The following BPTF variants were observed in gnomAD, a reference collection of about 807,000 sequenced individuals.
BPTF encodes the protein bromodomain PHD finger transcription factor.
In BPTF, 18 loss-of-function variants were observed where a neutral mutation model predicts 292.5. The ratio of observed to expected loss-of-function variants is 0.06; its 90% CI spans 0.04 to 0.09. The LOEUF (loss-of-function observed/expected upper bound fraction) is 0.09. Ranked by LOEUF, BPTF falls within the 10% of genes least tolerant of loss-of-function variation. BPTF has a pLI of 1.00. For synonymous variants in BPTF, 1,225 were observed against 1,251.9 expected (o/e 0.98, Z 0.45); for missense variants, 2,726 against 3,498.7 (o/e 0.78, Z 5.57).
intron 4 of BPTF, among the ~76,000 whole-genome samples, chr17:67,883,481 A>G (rs1367787312): frequency 6.6e-6 from 1 of 152,182 alleles, no homozygotes. Flanking sequence ...GTAACGGGAG[A>G]TATTCAGAGA....
chr17:67,945,772 C>G lies in BPTF; in HGVS notation c.7064C>G (p.Thr2355Ser), dbSNP rs2065764350. ...TCACAGACTCGAATACGTCCATCAA[C>G]TCCATCCCAACTGTCTCCTGGACAA... ...SPSQTRIRPS[T>S]PSQLSPGQQS... Residue 2355 changes from threonine (T) to serine (S), a missense_variant, in exon 21 of 28, where the codon ACT becomes AGT. Coordinates refer to ENST00000306378, the MANE Select transcript of BPTF (RefSeq NM_182641.4). The G allele has an allele frequency of 2.2e-5, 35 of 1,614,176 alleles. No homozygotes were observed. The highest frequency in any genetic ancestry group is 3.0e-5 in the Non-Finnish European group (35 of 1,180,030).
intron 18 of BPTF, among the ~76,000 whole-genome samples, chr17:67,938,699 A>G (rs2147774924): frequency 6.6e-6 from 1 of 152,346 alleles, no homozygotes; most frequent in South Asian, 2.1e-4. Context: ...CTGATGAGAG[A>G]ATACAAGAGA....
At chr17:67,841,446 A>G (rs182654893) in intron 1 of BPTF, among the ~76,000 whole-genome samples, 2 of 152,296 alleles carry the variant, frequency 1.3e-5, no homozygotes, top group East Asian at 3.9e-4. Flanking sequence ...ACTATTTAAT[A>G]CTAATATAAA....
chr17:67,841,328 G>C (rs1280094168), intron 1 of BPTF, among the ~76,000 whole-genome samples: 1 of 152,166 alleles, frequency 6.6e-6, no homozygotes, highest in Admixed American at 6.6e-5. Context: ...AGAATGGCTT[G>C]AACCCAGGAG....
intron 1 of BPTF, among the ~76,000 whole-genome samples, chr17:67,846,643 T>G (rs1218666389): frequency 6.6e-6 from 1 of 152,240 alleles, no homozygotes; most frequent in Middle Eastern, 3.4e-3. Context: ...AGTCAGGTGG[T>G]TTTTAACAAT....
At chr17:67,866,433 A>C in intron 2 of BPTF, 31 bp from the exon 3 acceptor site, 1 of 1,502,188 alleles carries the variant, frequency 6.7e-7, no homozygotes, top group Non-Finnish European at 9.3e-7. Flanking sequence ...TATGTCTAAC[A>C]TATAAAGTAT....
intron 11 of BPTF, among the ~76,000 whole-genome samples, chr17:67,916,745 G>A (rs1357001725): frequency 1.5e-5 from 2 of 134,532 alleles, no homozygotes; most frequent in African/African-American, 3.0e-5. Context: ...CAGCCTGGGT[G>A]ACAGAGCAAT....
chr17:67,828,902 A>G (rs567323050), intron 1 of BPTF, among the ~76,000 whole-genome samples: 2 of 152,324 alleles, frequency 1.3e-5, no homozygotes, highest in South Asian at 2.1e-4. Flanking sequence ...CTCCTTAGAG[A>G]TAAGTATTGA....
At chr17:67,937,343 G>C (rs1432775767) in intron 18 of BPTF, among the ~76,000 whole-genome samples, 1 of 150,940 alleles carries the variant, frequency 6.6e-6, no homozygotes. Flanking sequence ...TGTAATCCCA[G>C]CTACTCGGGA....
Position 67,826,168 on chromosome 17 carries a change from G to A in BPTF, c.444G>A (p.Glu148=). The A allele has an allele frequency of 6.4e-7, 1 of 1,565,024 alleles. No individual in the cohort carries two copies. Among genetic ancestry groups the A allele is most frequent in the Non-Finnish European group, 8.8e-7 (1 of 1,135,520 alleles). The change falls in exon 1 of 28, where the codon GAG becomes GAA. Residue 148 remains glutamate, a synonymous_variant. Transcript: ENST00000306378. ...TGGTCTCCGAGGAGGAGGAGGAGGA[G>A]GACGGCGACGCCGAGGAGACCCAGG... is the stretch of plus-strand genomic sequence containing the variant. ...EDMVSEEEEE[E]DGDAEETQDS...
At chr17:67,910,153 C>G (rs1483962451) in intron 10 of BPTF, among the ~76,000 whole-genome samples, 1 of 152,186 alleles carries the variant, frequency 6.6e-6, no homozygotes, top group African/African-American at 2.4e-5. Flanking sequence ...GCTTCATCCA[C>G]TTAGCATGGT....
At position 67,876,570 on chromosome 17, in the gene BPTF, C is replaced by A. The variant is rs151238945; in HGVS notation, c.1864+1550C>A. On this transcript the variant is annotated intron_variant, in intron 4 of 27. Coordinates refer to ENST00000306378, the MANE Select transcript of BPTF (RefSeq NM_182641.4). ...CCTGTAATCCCAGCACTTTGGGAGG[C>A]CTAGGCGGGCAGATCACCTGAGGTC... 4.4e-3 allele frequency among the ~76,000 whole-genome samples: 673 copies of A among 152,254 alleles called. 5 individuals carry two copies. The highest frequency in any genetic ancestry group is 0.015 in the African/African-American group (630 of 41,552).
intron 15 of BPTF, among the ~76,000 whole-genome samples, chr17:67,925,992 CTTTTTTTTTTTTTTTTT>C (rs60083535): frequency 1.8e-5 from 1 of 56,622 alleles, no homozygotes; most frequent in Non-Finnish European, 3.2e-5. Context: ...TAACATATTA[CTTTTTTTTTTTTTTTTT>C]TTTTTTTTTT....
Position 67,946,054 on chromosome 17 carries a change from A to C in BPTF, c.7346A>C (p.Gln2449Pro). The C allele has an allele frequency of 1.2e-6, 2 of 1,614,230 alleles. No homozygotes were observed. The highest frequency in any genetic ancestry group is 1.7e-6 in the Non-Finnish European group (2 of 1,180,036). The change falls in exon 21 of 28, where the codon CAG becomes CCG. Residue 2449 changes from glutamine (Q) to proline (P), a missense_variant. Transcript: ENST00000306378. ...QQQVQVLSQIQSQVVAQIQAQ... is the reference protein window; with the variant it reads ...QQQVQVLSQIPSQVVAQIQAQ... ...CAAGTCCAGGTTCTCTCTCAGATCC[A>C]GTCACAGGTTGTGGCTCAGATACAG...
chr17:67,826,279 C>T lies in BPTF; in HGVS notation c.555C>T (p.Asp185=), dbSNP rs2056019558. ...YPEEMEDDDD[D]ASYCTESSFR... is the part of the protein sequence containing the mutation. ...AGGAGATGGAAGACGACGACGACGA[C>T]GCCAGTTACTGCACGGAAAGCAGCT... Residue 185 remains aspartate, a synonymous_variant, in exon 1 of 28, where the codon GAC becomes GAT. Transcript: ENST00000306378. The T allele has an allele frequency of 1.2e-6, 2 of 1,613,336 alleles. No individual in the cohort carries two copies. The highest frequency in any genetic ancestry group is 1.7e-5 in the Admixed American group (1 of 60,000).
At chr17:67,931,084 G>A (rs568770449) in intron 17 of BPTF, among the ~76,000 whole-genome samples, 3 of 152,268 alleles carry the variant, frequency 2.0e-5, no homozygotes, top group Non-Finnish European at 4.4e-5. Context: ...GGTCAATATG[G>A]TGAAACCCTG....
At chr17:67,894,916 A>G (rs759074003) in intron 7 of BPTF, among the ~76,000 whole-genome samples, 13 of 152,206 alleles carry the variant, frequency 8.5e-5, no homozygotes, top group Admixed American at 2.6e-4. Flanking sequence ...ACTTGAATCT[A>G]CTTTTTAGCC....
chr17:67,919,345 G>A (rs911460498), intron 12 of BPTF, among the ~76,000 whole-genome samples: 3 of 151,904 alleles, frequency 2.0e-5, no homozygotes, highest in Non-Finnish European at 2.9e-5. Context: ...TGACCAGCCT[G>A]GACAACATAA....
rs1484364946 is a variant in BPTF, at chr17:67,931,938, G to C, written c.6178G>C (p.Gly2060Arg). The change falls in exon 18 of 28, where the codon GGT becomes CGT. Residue 2060 changes from glycine to arginine, a missense_variant. Around this residue, in one of 22 missense-constraint regions of BPTF, gnomAD observed 570 missense variants for 633.5 expected, o/e 0.90. Coordinates refer to ENST00000306378, the MANE Select transcript of BPTF (RefSeq NM_182641.4). The part of the protein sequence containing the change: ...QVITGPQIRP[G>R]MTVIRTPLQQ... ...AATCACAGGGCCTCAGATTCGCCCT[G>C]GTATGACCGTGATTAGAACACCACT... 3 of 1,613,670 alleles carry C rather than the reference G, an allele frequency of 1.9e-6. No homozygotes were observed. Among genetic ancestry groups the C allele is most frequent in the Admixed American group, 1.7e-5 (1 of 59,914 alleles).
Sources: allele counts gnomAD v4.1 joint callset (sites outside exome capture counted in the v4.1 genomes callset), GRCh38; gene constraint gnomAD v4.1.1; regional missense constraint gnomAD v4.1.1; transcripts MANE v1.5; gene names NCBI Gene and HGNC (gene_info 2026-07-23, HGNC 2026-07-21).